Variants in ACYP2 observed in about 807,000 individuals in gnomAD.
The protein encoded by ACYP2 is acylphosphatase 2.
ACYP2 carries 12 observed loss-of-function variants against 11.2 expected under a neutral mutation model. The observed-to-expected ratio is 1.08, with a 90% CI of 0.69 to 1.74. ACYP2 has a LOEUF of 1.74. Among genes scored for constraint, ACYP2 ranks in the 40% most tolerant of loss-of-function variants. The pLI, the probability that ACYP2 is intolerant of heterozygous loss-of-function variation, is 0.00. For synonymous variants in ACYP2, 43 were observed against 32.2 expected (o/e 1.33, Z -1.13); for missense variants, 134 against 101.9 (o/e 1.31, Z -1.35).
intron 6 of ACYP2, among the ~76,000 whole-genome samples, chr2:54,218,719 C>A (rs1304123121): frequency 6.6e-6 from 1 of 152,012 alleles, no homozygotes; most frequent in Non-Finnish European, 1.5e-5. Context: ...CATCAGTGTC[C>A]CCAGTTTTTC....
chr2:54,254,246 G>T (rs1687374599), intron 6 of ACYP2: 1 of 152,346 alleles, frequency 6.6e-6, no homozygotes, highest in Non-Finnish European at 1.5e-5. Flanking sequence ...CAGGTCTTTT[G>T]TGTGCTGACA....
At chr2:54,287,530 T>G (rs551108778) in intron 6 of ACYP2, among the ~76,000 whole-genome samples, 1 of 152,112 alleles carries the variant, frequency 6.6e-6, no homozygotes, top group Admixed American at 6.5e-5. Context: ...TGACACTGAG[T>G]GTCTTCCAAG....
At chr2:54,212,923 A>T (rs1226678331) in intron 6 of ACYP2, among the ~76,000 whole-genome samples, 11 of 146,114 alleles carry the variant, frequency 7.5e-5, no homozygotes, top group African/African-American at 1.1e-4. Flanking sequence ...TTTTTTTTTT[A>T]AATGTCATGG....
intron 2 of ACYP2, among the ~76,000 whole-genome samples, chr2:53,984,171 T>C (rs968292408): frequency 1.2e-4 from 18 of 152,280 alleles, no homozygotes; most frequent in Admixed American, 2.6e-4. Context: ...TGATGAAGGC[T>C]AATAAATGCC....
intron 4 of ACYP2, chr2:54,123,304 A>G (rs1253189100): frequency 7.5e-6 from 3 of 398,592 alleles, no homozygotes; most frequent in Non-Finnish European, 1.3e-5. Flanking sequence ...CCGTACTTCA[A>G]GAGGATCTTC....
At chr2:54,107,880 A>G (rs1679250162) in intron 4 of ACYP2, among the ~76,000 whole-genome samples, 1 of 152,230 alleles carries the variant, frequency 6.6e-6, no homozygotes, top group Non-Finnish European at 1.5e-5. Context: ...CTGATCCTGC[A>G]ATAGGAAACC....
At chr2:54,280,330 A>G (rs1271741193) in intron 6 of ACYP2, among the ~76,000 whole-genome samples, 1 of 152,180 alleles carries the variant, frequency 6.6e-6, no homozygotes, top group African/African-American at 2.4e-5. Flanking sequence ...CAAGTTTCAG[A>G]ATGCAGGAGG....
chr2:54,195,480 A>G (rs1281650858), intron 6 of ACYP2, among the ~76,000 whole-genome samples: 1 of 152,128 alleles, frequency 6.6e-6, no homozygotes, highest in African/African-American at 2.4e-5. Flanking sequence ...TACGTAAGAG[A>G]AGTACAGAGA....
chr2:54,083,948 TG>T (rs1677805732), intron 4 of ACYP2, among the ~76,000 whole-genome samples: 1 of 152,152 alleles, frequency 6.6e-6, no homozygotes, highest in East Asian at 1.9e-4. Flanking sequence ...AGTACAAAAG[TG>T]AATATTTAAA....
intron 1 of ACYP2, chr2:53,973,690 C>G (rs1671291451): frequency 1.5e-5 from 4 of 259,702 alleles, no homozygotes; most frequent in Non-Finnish European, 2.9e-5. Context: ...AATCCCAACA[C>G]CCTTTGCTGA....
intron 4 of ACYP2, among the ~76,000 whole-genome samples, chr2:54,130,391 T>A (rs1413813665): frequency 2.0e-5 from 3 of 152,020 alleles, no homozygotes; most frequent in Admixed American, 2.0e-4. Context: ...AAGTAGGATA[T>A]GAGGTAGAGG....
chr2:54,263,873 A>G (rs761546401), intron 6 of ACYP2, among the ~76,000 whole-genome samples: 5 of 148,706 alleles, frequency 3.4e-5, no homozygotes, highest in Non-Finnish European at 5.9e-5. Flanking sequence ...TCACTAGTTG[A>G]AACCAGGAAG....
chr2:54,061,908 T>C (rs1415386454), intron 4 of ACYP2, among the ~76,000 whole-genome samples: 2 of 152,166 alleles, frequency 1.3e-5, no homozygotes, highest in Non-Finnish European at 1.5e-5. Context: ...ACCCTGCCTC[T>C]ATAAAAAATA....
chr2:54,067,066 A>G (rs537926106), intron 4 of ACYP2, among the ~76,000 whole-genome samples: 1 of 152,332 alleles, frequency 6.6e-6, no homozygotes, highest in South Asian at 2.1e-4. Flanking sequence ...TTTGTCATGT[A>G]ACATTTATGT....
At chr2:54,196,859 T>A (rs1684503269) in intron 6 of ACYP2, among the ~76,000 whole-genome samples, 1 of 152,212 alleles carries the variant, frequency 6.6e-6, no homozygotes, top group Non-Finnish European at 1.5e-5. Context: ...AAGTGTATCA[T>A]GGTAGATTAA....
intron 6 of ACYP2, among the ~76,000 whole-genome samples, chr2:54,209,542 T>TA (rs1320118042): frequency 6.6e-6 from 1 of 152,212 alleles, no homozygotes; most frequent in Non-Finnish European, 1.5e-5. Context: ...CAGACTAGAA[T>TA]AAGCTGAGTG....
At chr2:54,169,980 CTAT>C (rs1441379453) in intron 6 of ACYP2, among the ~76,000 whole-genome samples, 1 of 152,086 alleles carries the variant, frequency 6.6e-6, no homozygotes, top group Non-Finnish European at 1.5e-5. Flanking sequence ...TATTGATGTC[CTAT>C]TATGATAGAT....
At chr2:54,106,825 C>T (rs535762580) in intron 4 of ACYP2, among the ~76,000 whole-genome samples, 34 of 152,146 alleles carry the variant, frequency 2.2e-4, no homozygotes, top group African/African-American at 5.8e-4. Context: ...CCTCGTGATC[C>T]GCCCCCCCTC....
At chr2:54,140,389 C>T (rs1252227473) in intron 6 of ACYP2, among the ~76,000 whole-genome samples, 1 of 152,142 alleles carries the variant, frequency 6.6e-6, no homozygotes, top group Non-Finnish European at 1.5e-5. Context: ...GATTAATTTG[C>T]TTAACATAAA....
Sources: allele counts gnomAD v4.1 joint callset (sites outside exome capture counted in the v4.1 genomes callset), GRCh38; gene constraint gnomAD v4.1.1; transcripts MANE v1.5; gene names NCBI Gene and HGNC (gene_info 2026-07-23, HGNC 2026-07-21).